The following OSBPL2 variants were observed in gnomAD, a reference collection of about 807,000 sequenced individuals.
The protein encoded by OSBPL2 is oxysterol binding protein like 2, also known as oxysterol-binding protein-related protein 2.
A neutral mutation model predicts 58.4 loss-of-function variants in OSBPL2; 18 were observed. The ratio of observed to expected loss-of-function variants is 0.31; its 90% confidence interval spans 0.21 to 0.46. The LOEUF is 0.46. Ranked by LOEUF, OSBPL2 falls within the 20% of genes least tolerant of loss-of-function variation. The probability of loss-of-function intolerance (pLI) is 1.00; values close to 1 mark genes in which losing one functional copy is unlikely to be tolerated. For synonymous variants in OSBPL2, 221 were observed against 234.1 expected (o/e 0.94, Z 0.51); for missense variants, 461 against 616.5 (o/e 0.75, Z 2.67).
intron 1 of OSBPL2, among the ~76,000 whole-genome samples, chr20:62,249,555 A>C (rs1008925991): frequency 2.0e-5 from 3 of 152,126 alleles, no homozygotes; most frequent in Non-Finnish European, 4.4e-5. Context: ...TTGCTTTTTA[A>C]AATTATTTTT....
intron 6 of OSBPL2, 52 bp from the exon 7 acceptor site, chr20:62,279,105 T>C: frequency 6.7e-7 from 1 of 1,496,570 alleles, no homozygotes; most frequent in Non-Finnish European, 9.1e-7. Context: ...AGCTGCCCTT[T>C]CTTTTATTTT....
intron 1 of OSBPL2, chr20:62,255,019 A>C (rs1368086420): frequency 6.6e-6 from 1 of 152,014 alleles, no homozygotes; most frequent in Non-Finnish European, 1.5e-5. Flanking sequence ...TTTTCAGCAA[A>C]ACTTCCAGAG....
At chr20:62,253,231 G>A (rs532517787) in intron 1 of OSBPL2, among the ~76,000 whole-genome samples, 4 of 152,362 alleles carry the variant, frequency 2.6e-5, no homozygotes, top group South Asian at 2.1e-4. Context: ...TCCATAAAGC[G>A]CAATTTCCTC....
chr20:62,264,639 A>C (rs1419582931), intron 4 of OSBPL2: 1 of 152,182 alleles, frequency 6.6e-6, no homozygotes, highest in African/African-American at 2.4e-5. Flanking sequence ...ACTTACGGAA[A>C]ATCACAAAAT....
At chr20:62,267,059 G>A (rs1177344666) in intron 4 of OSBPL2, among the ~76,000 whole-genome samples, 3 of 152,192 alleles carry the variant, frequency 2.0e-5, no homozygotes, top group African/African-American at 7.2e-5. Flanking sequence ...GAACCAGCCC[G>A]GGCAACAAAG....
At position 62,294,662 on chromosome 20, in the gene OSBPL2, G is replaced by A. The variant is rs1186262714; in HGVS notation, c.*775G>A. 1 of 152,320 alleles carries A rather than the reference G, an allele frequency of 6.6e-6. No individual in the cohort carries two copies. Among genetic ancestry groups the A allele is most frequent in the Non-Finnish European group, 1.5e-5 (1 of 68,066 alleles). The allele number at this position is 152,320 out of a possible 1,614,324, so 9.4% of individuals were successfully genotyped here. A position where few individuals can be genotyped will look rare whatever the true frequency, so the allele number is the denominator to read the frequency against. Reference sequence around the variant, plus strand: ...AGAGGCGTCCCGGCTGCGATTCGCTGCCCTGTTGTCAGTGAGGCCTGGCTG... The same window carrying A: ...AGAGGCGTCCCGGCTGCGATTCGCTACCCTGTTGTCAGTGAGGCCTGGCTG... On this transcript the variant is annotated 3_prime_UTR_variant, in exon 14 of 14. Coordinates refer to ENST00000313733, the MANE Select transcript of OSBPL2 (RefSeq NM_144498.4).
chr20:62,280,135 A>C, intron 7 of OSBPL2: 1 of 1,302,688 alleles, frequency 7.7e-7, no homozygotes, highest in Non-Finnish European at 1.0e-6. Flanking sequence ...GAGTCTTGCC[A>C]AGCCACTGCC....
At chr20:62,278,676 A>G (rs7260733) in intron 6 of OSBPL2, 3,510 of 63,808 alleles carry the variant, frequency 0.055, 1 homozygote, top group Middle Eastern at 0.076. Flanking sequence ...GGCCAAGTGC[A>G]ATGTCATGTT....
At chr20:62,260,173 C>T (rs767977240) in intron 3 of OSBPL2, 48 bp downstream of exon 3, 1 of 1,576,028 alleles carries the variant, frequency 6.3e-7, no homozygotes, top group African/African-American at 1.4e-5. Context: ...TGTAATCACC[C>T]CAAAAATACT....
chr20:62,272,637 G>T (rs1458117223), intron 5 of OSBPL2, among the ~76,000 whole-genome samples: 1 of 152,228 alleles, frequency 6.6e-6, no homozygotes, highest in Non-Finnish European at 1.5e-5. Context: ...GGTGGCTCAT[G>T]CCTGTAATCC....
intron 1 of OSBPL2, among the ~76,000 whole-genome samples, chr20:62,251,865 CTTTTTTTTTTT>C (rs147891445): frequency 5.6e-3 from 232 of 41,770 alleles, no homozygotes; most frequent in African/African-American, 0.022. Context: ...ATTGGTATGC[CTTTTTTTTTTT>C]TTTTTTTTTT....
chr20:62,281,971 C>G, intron 9 of OSBPL2, 92 bp downstream of exon 9: 1 of 775,296 alleles, frequency 1.3e-6, no homozygotes, highest in Middle Eastern at 2.3e-4. Flanking sequence ...CGTGTGCCTA[C>G]GTGCATGAGA....
intron 13 of OSBPL2, among the ~76,000 whole-genome samples, chr20:62,293,186 T>TAA (rs61708520): frequency 1.6e-4 from 24 of 151,464 alleles, no homozygotes; most frequent in Admixed American, 9.8e-4. Flanking sequence ...TTTAAAGTGT[T>TAA]AAAAAAAATA....
intron 9 of OSBPL2, among the ~76,000 whole-genome samples, chr20:62,282,840 A>G (rs1487429369): frequency 6.6e-6 from 1 of 152,250 alleles, no homozygotes; most frequent in Non-Finnish European, 1.5e-5. Flanking sequence ...AAAATAAGAC[A>G]GTTGGTGTTT....
rs774298765 is a variant in OSBPL2, at chr20:62,293,780, G to C, written c.1341-5G>C. On this transcript the variant is annotated splice_region_variant and splice_polypyrimidine_tract_variant and intron_variant, in intron 13 of 13. Transcript: ENST00000313733. ...CTTCTGACCCCCCTCCCTTGTATCC[G>C]GCAGGTGGTTCTACCCAGGCAATAA... 1.2e-6 allele frequency: 2 copies of C among 1,612,888 alleles called. No individual in the cohort carries two copies. The highest frequency in any genetic ancestry group is 8.5e-7 in the Non-Finnish European group (1 of 1,179,626).
chr20:62,291,549 C>T (rs1336219799), intron 12 of OSBPL2, 154 bp from the exon 13 acceptor site: 4 of 729,238 alleles, frequency 5.5e-6, no homozygotes, highest in Admixed American at 2.0e-5. Flanking sequence ...GCCTCGGCAA[C>T]TGTGATTGTG....
At chr20:62,249,490 CATT>C (rs1268637792) in intron 1 of OSBPL2, among the ~76,000 whole-genome samples, 3 of 152,218 alleles carry the variant, frequency 2.0e-5, no homozygotes, top group African/African-American at 2.4e-5. Flanking sequence ...TTTTCTTAAA[CATT>C]TAACTTTCTG....
intron 1 of OSBPL2, among the ~76,000 whole-genome samples, chr20:62,249,446 A>G (rs1427732286): frequency 6.6e-6 from 1 of 152,256 alleles, no homozygotes; most frequent in Non-Finnish European, 1.5e-5. Flanking sequence ...GTGGAAGAAC[A>G]TATTCAGGAA....
At chr20:62,291,814 G>A (rs761578987) in intron 13 of OSBPL2, 21 bp downstream of exon 13, 2 of 1,344,372 alleles carry the variant, frequency 1.5e-6, no homozygotes, top group Admixed American at 2.3e-5. Flanking sequence ...TGGTAGCCAC[G>A]CAGGCTGGGG....
Sources: allele counts gnomAD v4.1 joint callset (sites outside exome capture counted in the v4.1 genomes callset), GRCh38; gene constraint gnomAD v4.1.1; transcripts MANE v1.5; gene names NCBI Gene and HGNC (gene_info 2026-07-23, HGNC 2026-07-21).